The following CEP152 variants were observed in gnomAD, a reference collection of about 807,000 sequenced individuals.
The protein encoded by CEP152 is centrosomal protein 152, also known as centrosomal protein of 152 kDa.
Under a neutral mutation model 188.9 loss-of-function variants are expected in CEP152, and 132 were observed. The observed-to-expected ratio is 0.70, with a 90% CI of 0.61 to 0.81. The LOEUF is 0.81. Ranked by LOEUF, CEP152 falls within the 30% of genes least tolerant of loss-of-function variation. CEP152 has a pLI of 0.00. For synonymous variants in CEP152, 649 were observed against 666.6 expected, an observed-to-expected ratio of 0.97 and a Z score of 0.41; for missense variants, 1,914 against 1,969.8, an observed-to-expected ratio of 0.97 and a Z score of 0.54.
intron 2 of CEP152, among the ~76,000 whole-genome samples, chr15:48,804,007 C>A (rs1007763723): frequency 6.6e-6 from 1 of 152,238 alleles, no homozygotes; most frequent in Non-Finnish European, 1.5e-5. Context: ...AATCCGGAAA[C>A]CCTCACCAGG....
At chr15:48,754,489 TTA>T (rs1045246738) in intron 20 of CEP152, among the ~76,000 whole-genome samples, 3 of 152,194 alleles carry the variant, frequency 2.0e-5, no homozygotes, top group Admixed American at 6.5e-5. Flanking sequence ...AATTTTTTAA[TTA>T]TATGTTTTCT....
intron 12 of CEP152, among the ~76,000 whole-genome samples, chr15:48,775,275 C>T (rs1172000835): frequency 1.3e-5 from 2 of 151,458 alleles, no homozygotes; most frequent in African/African-American, 2.4e-5. Context: ...TGGTAAAAGA[C>T]ATAATAAATT....
intron 20 of CEP152, among the ~76,000 whole-genome samples, chr15:48,752,906 AAC>A (rs1182250473): frequency 6.6e-6 from 1 of 152,228 alleles, no homozygotes; most frequent in South Asian, 2.1e-4. Flanking sequence ...AATTGAAAAT[AAC>A]AGTTAAAAAT....
At chr15:48,774,600 A>G (rs2140801073) in intron 12 of CEP152, among the ~76,000 whole-genome samples, 1 of 152,368 alleles carries the variant, frequency 6.6e-6, no homozygotes, top group African/African-American at 2.4e-5. Flanking sequence ...TTAAAAACTT[A>G]ACTGAAATTT....
intron 10 of CEP152, 71 bp from the exon 11 acceptor site, chr15:48,782,301 C>T (rs779576058): frequency 7.9e-7 from 1 of 1,259,266 alleles, no homozygotes; most frequent in Non-Finnish European, 1.2e-6. Flanking sequence ...CTACAGAAGA[C>T]TTGAATCCAC....
rs763302218 is a variant in CEP152 at position 48,738,762 on chromosome 15, T to C, written c.4620A>G (p.Pro1540=). ...ATGCAGCATTTTCACTTTCCATTAG[T>C]GGATTGCATTTATATACTTTTAAAC... The part of the protein sequence containing the change: ...RLGLKVYKCN[P]LMESENAASE... The change falls in exon 27 of 27, where the codon CCA becomes CCG. Residue 1540 remains proline, a synonymous_variant. Coordinates refer to ENST00000380950, the MANE Select transcript of CEP152 (RefSeq NM_001194998.2). 1.3e-5 allele frequency: 21 copies of C among 1,614,224 alleles called. No homozygotes were observed. In the South Asian group the frequency reaches 1.8e-4, roughly 14 times the overall value.
rs765253846 is a variant in CEP152 at position 48,756,378 on chromosome 15, C to T, written c.2870G>A (p.Arg957Gln). ...TTGCTTTTCTTTGTTCCATTCACTCCGAGCCTTAGCTAACTCAGCCCTGAT... is the reference window on the plus strand; with the variant it reads ...TTGCTTTTCTTTGTTCCATTCACTCTGAGCCTTAGCTAACTCAGCCCTGAT... ...VVIRAELAKA[R>Q]SEWNKEKQEE... is the part of the protein sequence containing the mutation. Residue 957 changes from arginine (R) to glutamine (Q), a missense_variant, in exon 20 of 27, where the codon CGG (arginine) becomes CAG (glutamine). Transcript: ENST00000380950. The T allele has an allele frequency of 5.0e-6, 8 of 1,602,182 alleles. No homozygotes were observed. Among genetic ancestry groups the T allele is most frequent in the East Asian group, 2.2e-5 (1 of 44,738 alleles).
intron 12 of CEP152, chr15:48,773,169 C>T (rs756858690): frequency 1.9e-4 from 30 of 156,774 alleles, no homozygotes; most frequent in Non-Finnish European, 3.1e-4. Flanking sequence ...TAAAACCATG[C>T]TAATTTAAAC....
At chr15:48,749,678 TAA>T (rs1195043288) in intron 21 of CEP152, among the ~76,000 whole-genome samples, 2 of 150,590 alleles carry the variant, frequency 1.3e-5, no homozygotes, top group Admixed American at 1.3e-4. Context: ...AAAGTTCTGT[TAA>T]AAAAAAATGA....
At chr15:48,796,315 CACACACACAT>C (rs1483266684) in intron 5 of CEP152, among the ~76,000 whole-genome samples, 155 bp from the exon 6 acceptor site, 12 of 151,684 alleles carry the variant, frequency 7.9e-5, no homozygotes, top group African/African-American at 2.9e-4. Context: ...CACACACACA[CACACACACAT>C]ATATATATCT....
chr15:48,750,098 T>C (rs1450740432), intron 21 of CEP152, among the ~76,000 whole-genome samples: 1 of 152,090 alleles, frequency 6.6e-6, no homozygotes, highest in Non-Finnish European at 1.5e-5. Context: ...AAAATGTTAA[T>C]AATAGGTGTA....
intron 19 of CEP152, among the ~76,000 whole-genome samples, chr15:48,759,836 C>A (rs1164856562): frequency 1.3e-5 from 2 of 152,122 alleles, no homozygotes; most frequent in African/African-American, 4.8e-5. Flanking sequence ...TGAAAGGATA[C>A]TGTATAGCTA....
intron 20 of CEP152, among the ~76,000 whole-genome samples, chr15:48,754,756 T>C (rs1341852397): frequency 6.6e-6 from 1 of 152,208 alleles, no homozygotes; most frequent in South Asian, 2.1e-4. Context: ...GCCATGCATA[T>C]CCTACCCAAA....
At chr15:48,756,649 G>T in intron 19 of CEP152, 96 bp from the exon 20 acceptor site, 1 of 1,082,054 alleles carries the variant, frequency 9.2e-7, no homozygotes, top group South Asian at 1.5e-5. Context: ...TCTGAAGCTA[G>T]GAAATGTAAA....
intron 12 of CEP152, among the ~76,000 whole-genome samples, chr15:48,780,792 T>C (rs1263584919): frequency 6.6e-6 from 1 of 152,212 alleles, no homozygotes; most frequent in African/African-American, 2.4e-5. Flanking sequence ...ATCTCATCTT[T>C]TGTACTCTAT....
chr15:48,749,861 T>C (rs1002600101), intron 21 of CEP152, among the ~76,000 whole-genome samples: 7 of 152,018 alleles, frequency 4.6e-5, no homozygotes, highest in Non-Finnish European at 8.8e-5. Context: ...TATAAGACAT[T>C]ATTGGGTCAA....
chr15:48,767,507 G>A (rs764300911), intron 15 of CEP152, 44 bp from the exon 16 acceptor site: 34 of 1,613,194 alleles, frequency 2.1e-5, no homozygotes, highest in Non-Finnish European at 2.5e-5. Context: ...GTCTCACTAC[G>A]AACACCAAAA....
At position 48,776,926 on chromosome 15, in the gene CEP152, G is replaced by C. The variant is rs1292281719; in HGVS notation, c.1578-4235C>G. On this transcript the variant is annotated intron_variant, in intron 12 of 26. Transcript: ENST00000380950. Reference sequence around the variant, plus strand: ...TTTGAAAAGAAATAAACAGTTGACAGTATCTGCCCTTAAGATGAGGTGATG... The same window carrying C: ...TTTGAAAAGAAATAAACAGTTGACACTATCTGCCCTTAAGATGAGGTGATG... Among the ~76,000 whole-genome samples, 3 of 151,970 alleles carry C rather than the reference G, an allele frequency of 2.0e-5. No homozygotes were observed. In the South Asian group the frequency reaches 6.3e-4, roughly 32 times the overall value.
At chr15:48,792,181 G>A (rs1399103514) in intron 7 of CEP152, among the ~76,000 whole-genome samples, 1 of 151,998 alleles carries the variant, frequency 6.6e-6, no homozygotes, top group Non-Finnish European at 1.5e-5. Context: ...TAGTAGAGAT[G>A]GGGTTTCACC....
Sources: allele counts gnomAD v4.1 joint callset (sites outside exome capture counted in the v4.1 genomes callset), GRCh38; gene constraint gnomAD v4.1.1; transcripts MANE v1.5; gene names NCBI Gene and HGNC (gene_info 2026-07-23, HGNC 2026-07-21).